Variants in AKT3 observed in about 807,000 individuals in gnomAD.
AKT3 encodes the protein AKT serine/threonine kinase 3.
A neutral mutation model predicts 65.3 loss-of-function variants in AKT3; 15 were observed. The observed-to-expected ratio is 0.23, with a 90% confidence interval of 0.15 to 0.35. The LOEUF (loss-of-function observed/expected upper bound fraction) is 0.35, where lower values mean the gene tolerates loss of function less well. AKT3 is among the 10% of genes least tolerant of loss of function. AKT3 has a pLI of 1.00. For missense variants in AKT3, 243 were observed against 576.5 expected (o/e 0.42, Z 5.92); for synonymous variants, 206 against 183.8 (o/e 1.12, Z -0.98).
chr1:243,520,887 T>A (rs1010102211), intron 12 of AKT3, among the ~76,000 whole-genome samples: 3 of 152,200 alleles, frequency 2.0e-5, no homozygotes, highest in Non-Finnish European at 4.4e-5. Flanking sequence ...ACTCTACCAT[T>A]TACTATCTTC....
chr1:243,673,110 T>C (rs1683263281), intron 3 of AKT3, among the ~76,000 whole-genome samples: 1 of 152,240 alleles, frequency 6.6e-6, no homozygotes. Context: ...TAGTAAAATA[T>C]ACATAACATG....
chr1:243,727,278 AAAGT>A (rs2148131681), intron 2 of AKT3, among the ~76,000 whole-genome samples: 2 of 152,224 alleles, frequency 1.3e-5, no homozygotes, highest in African/African-American at 2.4e-5. Flanking sequence ...TACAATACCA[AAAGT>A]AAGTTAGTTG....
intron 8 of AKT3, among the ~76,000 whole-genome samples, chr1:243,605,291 G>A (rs940746008): frequency 6.6e-6 from 1 of 151,792 alleles, no homozygotes; most frequent in Non-Finnish European, 1.5e-5. Flanking sequence ...GCTGCCCAAA[G>A]CACCAGAATT....
chr1:243,849,402 C>G (rs1695658889), intron 1 of AKT3, among the ~76,000 whole-genome samples: 1 of 146,798 alleles, frequency 6.8e-6, no homozygotes, highest in Admixed American at 6.7e-5. Flanking sequence ...CCCCCCACCC[C>G]ACCAGTGCCG....
At chr1:243,518,277 G>T (rs559614155) in intron 12 of AKT3, among the ~76,000 whole-genome samples, 1 of 152,264 alleles carries the variant, frequency 6.6e-6, no homozygotes, top group South Asian at 2.1e-4. Context: ...ATAAACATTT[G>T]TAGGGAAGCA....
chr1:243,496,649 G>A (rs1240302891), downstream of AKT3, among the ~76,000 whole-genome samples: 4 of 152,182 alleles, frequency 2.6e-5, no homozygotes, highest in Admixed American at 2.6e-4. Flanking sequence ...AGGGGCGAGG[G>A]GTGCCACCAT....
chr1:243,672,318 A>G (rs893182720), intron 3 of AKT3, among the ~76,000 whole-genome samples: 1 of 152,232 alleles, frequency 6.6e-6, no homozygotes, highest in African/African-American at 2.4e-5. Flanking sequence ...ACATTCTCCA[A>G]TACCAATGAA....
chr1:243,556,883 A>G (rs1178514569), intron 10 of AKT3, among the ~76,000 whole-genome samples: 1 of 152,160 alleles, frequency 6.6e-6, no homozygotes, highest in Admixed American at 6.5e-5. Context: ...ATTTCAATAC[A>G]TAAGATTATA....
chr1:243,700,744 C>T (rs1429377743), intron 2 of AKT3, among the ~76,000 whole-genome samples: 1 of 152,070 alleles, frequency 6.6e-6, no homozygotes, highest in Non-Finnish European at 1.5e-5. Flanking sequence ...CCTCATGATC[C>T]ACCTGCCTTG....
intron 13 of AKT3, among the ~76,000 whole-genome samples, chr1:243,510,083 A>T (rs59794969): frequency 6.6e-6 from 1 of 152,220 alleles, no homozygotes; most frequent in Admixed American, 6.5e-5. Flanking sequence ...TACTTGCTCT[A>T]AAGGTACGCA....
chr1:243,748,113 G>T (rs1434780341), intron 2 of AKT3, among the ~76,000 whole-genome samples: 1 of 152,126 alleles, frequency 6.6e-6, no homozygotes, highest in Non-Finnish European at 1.5e-5. Flanking sequence ...TAGCATGCCT[G>T]GGTATTGTTT....
At chr1:243,516,255 T>C (rs908215851) in intron 12 of AKT3, among the ~76,000 whole-genome samples, 3 of 152,206 alleles carry the variant, frequency 2.0e-5, no homozygotes, top group Non-Finnish European at 4.4e-5. Flanking sequence ...TATGTGTCCA[T>C]TTCAGCTAAA....
rs575712898 is a variant in AKT3, at chr1:243,665,085, A to AACTGG, written c.173-207_173-203dup. ...CCATTCTGGCCACATTAACCACCTCAACTGGACTATATAATTTTCCCCAAA... is the reference window on the plus strand; with the variant it reads ...CCATTCTGGCCACATTAACCACCTCAACTGGACTGGACTATATAATTTTCCCCAAA... On this transcript the variant is annotated intron_variant, in intron 3 of 13. Coordinates refer to ENST00000673466, the MANE Select transcript of AKT3 (RefSeq NM_005465.7). Among the ~76,000 whole-genome samples, 499 of 152,222 alleles carry AACTGG rather than the reference A, an allele frequency of 3.3e-3. 4 individuals carry two copies. Among genetic ancestry groups the AACTGG allele is most frequent in the African/African-American group, 0.012 (494 of 41,542 alleles).
chr1:243,611,894 G>C (rs574278819), intron 8 of AKT3, among the ~76,000 whole-genome samples: 1 of 152,206 alleles, frequency 6.6e-6, no homozygotes, highest in East Asian at 1.9e-4. Flanking sequence ...ATCTCATTAA[G>C]CCTACTCTAA....
chr1:243,500,660 C>T lies in AKT3; in HGVS notation c.*4589G>A, dbSNP rs1440492061. 3.5e-5 allele frequency: 8 copies of T among 229,990 alleles called. No homozygotes were observed. The South Asian group carries it at 5.4e-4, about 16-fold the overall frequency. 14.2% of individuals were successfully genotyped at this position (229,990 alleles called of 1,614,324 possible). On this transcript the variant is annotated 3_prime_UTR_variant, in exon 14 of 14. Coordinates refer to ENST00000673466, the MANE Select transcript of AKT3 (RefSeq NM_005465.7). ...TTAGTTAGGACAGGTCCCTGACCTT[C>T]GGCTGCCCTGCCTGGCCAGCGAGCC...
intron 1 of AKT3, among the ~76,000 whole-genome samples, chr1:243,848,617 T>TAAA (rs1695614190): frequency 6.6e-6 from 1 of 152,218 alleles, no homozygotes; most frequent in Non-Finnish European, 1.5e-5. Flanking sequence ...GGTTGCCTAG[T>TAAA]GATGTATAGT....
At chr1:243,752,186 T>G (rs1014451620) in intron 2 of AKT3, among the ~76,000 whole-genome samples, 1 of 152,116 alleles carries the variant, frequency 6.6e-6, no homozygotes, top group African/African-American at 2.4e-5. Flanking sequence ...AGAAAAAAAT[T>G]TTTAAACTGA....
chr1:243,673,572 C>A (rs1237839080), intron 3 of AKT3, among the ~76,000 whole-genome samples: 1 of 149,608 alleles, frequency 6.7e-6, no homozygotes, highest in Non-Finnish European at 1.5e-5. Flanking sequence ...TTTAACCATT[C>A]ATTACATAAC....
At chr1:243,534,184 G>A (rs1342882396) in intron 12 of AKT3, among the ~76,000 whole-genome samples, 1 of 152,228 alleles carries the variant, frequency 6.6e-6, no homozygotes, top group East Asian at 1.9e-4. Flanking sequence ...AAAGTAAAGG[G>A]ATGGAAAAAA....
Sources: allele counts gnomAD v4.1 joint callset (sites outside exome capture counted in the v4.1 genomes callset), GRCh38; gene constraint gnomAD v4.1.1; transcripts MANE v1.5; gene names NCBI Gene and HGNC (gene_info 2026-07-23, HGNC 2026-07-21).